ARHGAP22: variants seen among roughly 807,000 people sequenced by gnomAD.
ARHGAP22 encodes the protein Rho GTPase activating protein 22, also known as rho GTPase-activating protein 22.
Under a neutral mutation model 59.1 loss-of-function variants are expected in ARHGAP22, and 48 were observed. That is an observed-to-expected ratio of 0.81 (90% CI 0.64 to 1.03). The LOEUF (loss-of-function observed/expected upper bound fraction) is 1.03, where lower values mean the gene tolerates loss of function less well. Ranked by LOEUF, ARHGAP22 falls within the 50% of genes least tolerant of loss-of-function variation. The pLI, the probability that ARHGAP22 is intolerant of heterozygous loss-of-function variation, is 0.00. For missense variants in ARHGAP22, 1,015 were observed against 958.7 expected (o/e 1.06, Z -0.78); for synonymous variants, 445 against 416.4 (o/e 1.07, Z -0.84).
rs538131610 is a variant in ARHGAP22, at chr10:48,515,692, T to G, written c.323-35928A>C. Among the ~76,000 whole-genome samples the G allele has an allele frequency of 7.2e-5, 11 of 152,280 alleles. No homozygotes were observed. In the South Asian group the frequency reaches 2.3e-3, roughly 32 times the overall value. On this transcript the variant is annotated intron_variant, in intron 3 of 9. Transcript: ENST00000249601. ...AAATCATAAAGTAAGCCTTAAAAAT[T>G]TTAAAGGATTAACCAAAACAAAGTT...
intron 5 of ARHGAP22, among the ~76,000 whole-genome samples, 182 bp downstream of exon 5, chr10:48,459,502 A>G (rs2046923940): frequency 6.6e-6 from 1 of 152,164 alleles, no homozygotes; most frequent in Non-Finnish European, 1.5e-5. Flanking sequence ...GCAGGCATCC[A>G]TCCTGAGAGG....
chr10:48,465,824 G>A lies in ARHGAP22; in HGVS notation c.452-5933C>T, dbSNP rs188134556. 6.4e-4 allele frequency among the ~76,000 whole-genome samples: 98 copies of A among 152,188 alleles called. 1 individual carries two copies. The highest frequency in any genetic ancestry group is 2.3e-3 in the African/African-American group (97 of 41,534). ...GGGTAATTCCACAGTTTCCCTCTTG[G>A]CTCCAGGCCTTTCTGCTCTCGGGTC... On this transcript the variant is annotated intron_variant, in intron 4 of 9. Coordinates refer to ENST00000249601, the MANE Select transcript of ARHGAP22 (RefSeq NM_021226.4).
chr10:48,433,529 A>G, the ARHGAP22 span, among the ~76,000 whole-genome samples: 1 of 151,932 alleles, frequency 6.6e-6, no homozygotes, highest in Admixed American at 6.6e-5. Context: ...GGTCTAGGAG[A>G]TTATCACCTC....
At chr10:48,562,151 G>A (rs777838524) in intron 2 of ARHGAP22, among the ~76,000 whole-genome samples, 26 of 151,802 alleles carry the variant, frequency 1.7e-4, no homozygotes, top group African/African-American at 2.4e-4. Flanking sequence ...TCTGGAACCC[G>A]GGAGGCAGAG....
chr10:48,578,928 C>T (rs933894119), intron 2 of ARHGAP22, among the ~76,000 whole-genome samples: 2 of 151,000 alleles, frequency 1.3e-5, no homozygotes, highest in Non-Finnish European at 3.0e-5. Context: ...CGTTCTTTTG[C>T]TTTTTAATCT....
At chr10:48,559,671 ATTTC>A (rs2057558175) in intron 2 of ARHGAP22, among the ~76,000 whole-genome samples, 1 of 152,082 alleles carries the variant, frequency 6.6e-6, no homozygotes, top group South Asian at 2.1e-4. Flanking sequence ...GACCATTTGT[ATTTC>A]TTCTATTAAT....
chr10:48,521,999 C>G (rs902859583), intron 3 of ARHGAP22, among the ~76,000 whole-genome samples: 5 of 152,228 alleles, frequency 3.3e-5, no homozygotes, highest in African/African-American at 1.2e-4. Context: ...TAATTGTGAA[C>G]AATGGTTCAG....
intron 3 of ARHGAP22, among the ~76,000 whole-genome samples, chr10:48,504,032 A>G (rs930585067): frequency 5.9e-5 from 9 of 152,220 alleles, no homozygotes; most frequent in Non-Finnish European, 1.2e-4. Context: ...AAGCTATCCC[A>G]GGGAGAAGTG....
intron 3 of ARHGAP22, among the ~76,000 whole-genome samples, chr10:48,506,774 C>G (rs1311983267): frequency 6.6e-6 from 1 of 152,034 alleles, no homozygotes; most frequent in African/African-American, 2.4e-5. Flanking sequence ...AATGGTGCCC[C>G]TAGAGTTATG....
At chr10:48,590,535 T>C (rs1270742184) in intron 1 of ARHGAP22, among the ~76,000 whole-genome samples, 2 of 152,158 alleles carry the variant, frequency 1.3e-5, no homozygotes, top group East Asian at 1.9e-4. Flanking sequence ...CTGTTCCCCA[T>C]AGCCCTCCTT....
chr10:48,499,106 G>C (rs979191341), intron 3 of ARHGAP22, among the ~76,000 whole-genome samples: 2 of 150,634 alleles, frequency 1.3e-5, no homozygotes, highest in African/African-American at 5.0e-5. Context: ...TGAAGGGGCA[G>C]GGGGAGGCCA....
At chr10:48,438,476 A>C in the ARHGAP22 span, 1 of 152,214 alleles carries the variant, frequency 6.6e-6, no homozygotes, top group Non-Finnish European at 1.5e-5. Flanking sequence ...AAGTGCTCTT[A>C]AGGAGAGTCT....
At chr10:48,439,169 C>T in the ARHGAP22 span, 1 of 151,754 alleles carries the variant, frequency 6.6e-6, no homozygotes, top group Non-Finnish European at 1.5e-5. Context: ...TGTTCCGTTC[C>T]CTCTCCTTTC....
chr10:48,573,225 G>T (rs1182622799), intron 2 of ARHGAP22, among the ~76,000 whole-genome samples: 1 of 152,188 alleles, frequency 6.6e-6, no homozygotes, highest in Non-Finnish European at 1.5e-5. Context: ...CCACCCAGGG[G>T]AGAAGGCCAC....
chr10:48,629,794 TTGACATTTAAATAATA>T (rs1421383517), intron 1 of ARHGAP22, among the ~76,000 whole-genome samples: 1 of 152,228 alleles, frequency 6.6e-6, no homozygotes, highest in Non-Finnish European at 1.5e-5. Flanking sequence ...TTGGGAACAA[TTGACATTTAAATAATA>T]TGGAGTCTTC....
At chr10:48,470,779 G>T (rs1045482370) in intron 4 of ARHGAP22, among the ~76,000 whole-genome samples, 5 of 152,194 alleles carry the variant, frequency 3.3e-5, no homozygotes, top group Admixed American at 6.5e-5. Context: ...AGGCCCACTG[G>T]CCAGGCAGGT....
intron 1 of ARHGAP22, among the ~76,000 whole-genome samples, chr10:48,592,710 G>A (rs1200876502): frequency 6.6e-6 from 1 of 152,146 alleles, no homozygotes; most frequent in South Asian, 2.1e-4. Flanking sequence ...TGCCAATGCT[G>A]CATGTCCAAA....
At chr10:48,593,829 C>T (rs1016021906) in intron 1 of ARHGAP22, among the ~76,000 whole-genome samples, 1 of 152,164 alleles carries the variant, frequency 6.6e-6, no homozygotes, top group South Asian at 2.1e-4. Context: ...AAATCCTAAA[C>T]AAAAGACATT....
chr10:48,455,107 G>A lies in ARHGAP22; in HGVS notation c.687C>T (p.Ser229=). 1.2e-6 allele frequency: 2 copies of A among 1,611,890 alleles called. No individual in the cohort carries two copies. The highest frequency in any genetic ancestry group is 8.5e-7 in the Non-Finnish European group (1 of 1,179,330). The change falls in exon 6 of 10, where the codon TCC becomes TCT. Residue 229 remains serine, a synonymous_variant. Coordinates refer to ENST00000249601, the MANE Select transcript of ARHGAP22 (RefSeq NM_021226.4). ...DSTTDVHTVA[S]LLKLYLRELP... ...GCTCCCGCAGGTACAGCTTCAGCAG[G>A]GAGGCCACCGTGTGCACGTCTGTTG...
Sources: gnomAD v4.1 joint callset for allele counts (sites outside exome capture counted in the v4.1 genomes callset) on GRCh38, gnomAD v4.1.1 for gene constraint, MANE v1.5 for transcripts, NCBI Gene and HGNC (gene_info 2026-07-23, HGNC 2026-07-21) for gene names.